Variants in CHD4 observed in about 807,000 individuals in gnomAD.
CHD4 encodes ATP-dependent chromatin remodeler CHD4.
In CHD4, 35 loss-of-function variants were observed where a neutral mutation model predicts 235.5. The observed-to-expected ratio is 0.15, with a 90% CI of 0.11 to 0.20. The LOEUF (loss-of-function observed/expected upper bound fraction) is 0.20, where lower values mean the gene tolerates loss of function less well. Among genes scored for constraint, CHD4 ranks in the 10% least tolerant of loss-of-function variants. The probability of loss-of-function intolerance (pLI) is 1.00; values close to 1 mark genes in which losing one functional copy is unlikely to be tolerated. For synonymous variants in CHD4, 900 were observed against 850.2 expected (o/e 1.06, Z -1.02); for missense variants, 1,329 against 2,432.3 (o/e 0.55, Z 9.54).
rs557417324 is a variant in CHD4 at position 6,600,756 on chromosome 12, A to G, written c.928-87T>C. On this transcript the variant is annotated intron_variant, in intron 7 of 39. Coordinates refer to ENST00000544040, the MANE Select transcript of CHD4 (RefSeq NM_001273.5). ...AGAGGGGAGTACTCTCTCACTGGGG[A>G]CACCAGAATCCCAGCAAGCACCGTT... 24 of 1,550,612 alleles carry G rather than the reference A, an allele frequency of 1.5e-5. No individual in the cohort carries two copies. The Admixed American group carries it at 2.1e-4, about 13-fold the overall frequency.
At chr12:6,588,042 G>C (rs1948328852) in intron 23 of CHD4, 93 bp from the exon 24 acceptor site, 5 of 1,350,642 alleles carry the variant, frequency 3.7e-6, no homozygotes, top group Non-Finnish European at 5.2e-6. Context: ...TCAGTACAAG[G>C]CAAGGTCCAC....
chr12:6,587,098 C>G, intron 25 of CHD4: 1 of 373,432 alleles, frequency 2.7e-6, no homozygotes, highest in Non-Finnish European at 4.8e-6. Flanking sequence ...TTCAAAATTT[C>G]ATTTGTAAGG....
At position 6,573,194 on chromosome 12, in the gene CHD4, G is replaced by T. The variant is rs1221991952; in HGVS notation, c.5437C>A (p.His1813Asn). 5 of 1,606,638 alleles carry T rather than the reference G, an allele frequency of 3.1e-6. No homozygotes were observed. Among genetic ancestry groups the T allele is most frequent in the Non-Finnish European group, 4.2e-6 (5 of 1,177,470 alleles). The change falls in exon 38 of 40, where the codon CAC becomes AAC. Residue 1813 changes from histidine (H) to asparagine (N), a missense_variant. His to Asn is a moderately conservative substitution (Grantham distance 68). Around this residue, in one of 26 missense-constraint regions of CHD4, gnomAD observed 135 missense variants for 282.3 expected, o/e 0.48. Transcript: ENST00000544040. ...CGGGTGTTGAGGGCCATGGAAGGGT[G>T]AGAAGGGTCTTCTGACATGTTCAAG... Reference protein sequence around the residue: ...AYLNMSEDPSHPSMALNTRFA... With the variant: ...AYLNMSEDPSNPSMALNTRFA...
chr12:6,590,575 T>C (rs193148573), intron 22 of CHD4, among the ~76,000 whole-genome samples: 13 of 152,276 alleles, frequency 8.5e-5, no homozygotes, highest in African/African-American at 2.6e-4. Flanking sequence ...TCTCAATACT[T>C]TGGGAGGCCA....
At position 6,593,165 on chromosome 12, in the gene CHD4, C is replaced by G. The variant is rs2136215177; in HGVS notation, c.2578G>C (p.Ala860Pro). 6.2e-7 allele frequency: 1 copy of G among 1,614,176 alleles called. No homozygotes were observed. Among genetic ancestry groups the G allele is most frequent in the Non-Finnish European group, 8.5e-7 (1 of 1,180,044 alleles). ...TSYELITIDM[A>P]ILGSIDWACL... ...GCCCAATCAATAGAGCCCAAAATAG[C>G]CATGTCAATGGTGATCAATTCATAG... Residue 860 changes from alanine (A) to proline (P), a missense_variant, in exon 17 of 40, where the codon GCT becomes CCT. Ala to Pro is a conservative substitution (Grantham distance 27, BLOSUM62 -1). Around this residue, in one of 26 missense-constraint regions of CHD4, gnomAD observed 78 missense variants for 174.8 expected, o/e 0.45. Coordinates refer to ENST00000544040, the MANE Select transcript of CHD4 (RefSeq NM_001273.5). This position sits in a 1 kb window ranked among gnomAD's most constrained non-coding sequence, Gnocchi z 4.9.
At chr12:6,594,692 C>A in intron 14 of CHD4, 42 bp from the exon 15 acceptor site, 1 of 1,555,552 alleles carries the variant, frequency 6.4e-7, no homozygotes, top group Non-Finnish European at 8.8e-7. Context: ...GCAAGGAACT[C>A]CCCTCCTCCC....
At chr12:6,580,747 G>A in intron 33 of CHD4, 1 of 271,440 alleles carries the variant, frequency 3.7e-6, no homozygotes, top group Non-Finnish European at 6.7e-6. Flanking sequence ...AGTGGCTCAT[G>A]CCTGTAATCC....
At chr12:6,585,513 A>G (rs1455674774) in intron 25 of CHD4, among the ~76,000 whole-genome samples, 1 of 151,586 alleles carries the variant, frequency 6.6e-6, no homozygotes, top group Non-Finnish European at 1.5e-5. Flanking sequence ...CGATCTCTTG[A>G]CCTCGTGATC....
chr12:6,591,254 C>T lies in CHD4; in HGVS notation c.3340+212G>A, dbSNP rs967022346. 85 of 426,286 alleles carry T rather than the reference C, an allele frequency of 2.0e-4. 1 individual carries two copies. The highest frequency in any genetic ancestry group is 1.7e-3 in the Admixed American group (41 of 24,064). 26.4% of individuals were successfully genotyped at this position (426,286 alleles called of 1,614,324 possible). A position where few individuals can be genotyped will look rare whatever the true frequency, so the allele number is the denominator to read the frequency against. On this transcript the variant is annotated intron_variant, in intron 22 of 39. Transcript: ENST00000544040. The stretch of plus-strand genomic sequence containing the variant: ...TGCCCTCGAGATACAATGCTTTCTT[C>T]TTTCTAGCAGAAAGAACAAATACCC...
At chr12:6,573,383 G>C in intron 37 of CHD4, 114 bp from the exon 38 acceptor site, 1 of 831,088 alleles carries the variant, frequency 1.2e-6, no homozygotes, top group East Asian at 3.3e-5. Context: ...AACCTATGAA[G>C]AACTTCATGG....
chr12:6,601,440 G>A lies in CHD4; in HGVS notation c.648C>T (p.Asn216=). The A allele has an allele frequency of 6.2e-7, 1 of 1,614,152 alleles. No homozygotes were observed. The highest frequency in any genetic ancestry group is 2.2e-5 in the East Asian group (1 of 44,866). ...GAKWREFSTN[N]PFKGSSGASV... The stretch of plus-strand genomic sequence containing the variant: ...ATGCCCCAGAACTGCCTTTGAAGGG[G>A]TTATTGGTACTGAACTCCCGCCATT... Residue 216 remains asparagine (N), a synonymous_variant, in exon 6 of 40, where the codon AAC becomes AAT. Transcript: ENST00000544040.
rs182457626 is a variant in CHD4 at position 6,600,730 on chromosome 12, G to T, written c.928-61C>A. 2.5e-6 allele frequency: 4 copies of T among 1,595,144 alleles called. No individual in the cohort carries two copies. The African/African-American group carries it at 5.4e-5, about 21-fold the overall frequency. On this transcript the variant is annotated intron_variant, in intron 7 of 39. Coordinates refer to ENST00000544040, the MANE Select transcript of CHD4 (RefSeq NM_001273.5). ...AGCCAAGGGGAAGGACAGAGTGGCA[G>T]AGAGGGGAGTACTCTCTCACTGGGG...
intron 30 of CHD4, 143 bp downstream of exon 30, chr12:6,581,994 G>C (rs1278786432): frequency 2.8e-5 from 32 of 1,129,612 alleles, no homozygotes; most frequent in Non-Finnish European, 3.6e-5. Flanking sequence ...GTAGAGATGG[G>C]GTTTCGCCAT....
In CHD4 at chr12:6,606,457, C is replaced by CG; in HGVS notation, c.-78-7dup. 1 of 724,260 alleles carries CG rather than the reference C, an allele frequency of 1.4e-6. No homozygotes were observed. The highest frequency in any genetic ancestry group is 2.3e-6 in the Non-Finnish European group (1 of 442,022). 44.9% of individuals were successfully genotyped at this position (724,260 alleles called of 1,614,324 possible). ...CTCTACACTGGCCCGAGTCACTGTG[C>CG]GGGGGAGGGGGGAGAAACACAGAAC... On this transcript the variant is annotated splice_polypyrimidine_tract_variant and splice_region_variant and intron_variant, in intron 1 of 39. Transcript: ENST00000544040.
chr12:6,602,814 T>G, intron 2 of CHD4: 1 of 226,850 alleles, frequency 4.4e-6, no homozygotes, highest in Non-Finnish European at 8.7e-6. Context: ...TGCTCAGAGT[T>G]CACCAAGTAA....
Position 6,578,395 on chromosome 12 carries a change from C to T in CHD4, c.5119+14G>A. 6.2e-7 allele frequency: 1 copy of T among 1,610,348 alleles called. No homozygotes were observed. The highest frequency in any genetic ancestry group is 8.5e-7 in the Non-Finnish European group (1 of 1,179,012). Reference sequence around the variant, plus strand: ...CAGATCCTTCTAACCCTGGTGGGCCCCTCATTTCCATACCAGTAAAACCAC... The same window carrying T: ...CAGATCCTTCTAACCCTGGTGGGCCTCTCATTTCCATACCAGTAAAACCAC... On this transcript the variant is annotated intron_variant, in intron 35 of 39. Transcript: ENST00000544040.
chr12:6,603,925 T>C (rs540332707), intron 2 of CHD4, among the ~76,000 whole-genome samples: 2 of 152,262 alleles, frequency 1.3e-5, no homozygotes, highest in South Asian at 4.1e-4. Context: ...CCCAGATTCC[T>C]ATCCAACATA....
intron 37 of CHD4, 77 bp downstream of exon 37, chr12:6,577,708 C>G: frequency 6.3e-7 from 1 of 1,576,540 alleles, no homozygotes; most frequent in Admixed American, 1.7e-5. Context: ...GCTGGATGGA[C>G]AGACTCCCTC....
rs759444267 is a variant in CHD4, at chr12:6,601,336, G to T, written c.752C>A (p.Pro251His). 5.0e-6 allele frequency: 8 copies of T among 1,614,014 alleles called. No individual in the cohort carries two copies. In the Admixed American group the frequency reaches 1.0e-4, roughly 20 times the overall value. ...CTTGCGGATAGGCACCTCCACAGGGGGAGGTGGTGGTGCAACCTCAGTGGC... is the reference window on the plus strand; with the variant it reads ...CTTGCGGATAGGCACCTCCACAGGGTGAGGTGGTGGTGCAACCTCAGTGGC... ...VTATEVAPPP[P>H]PVEVPIRKAK... is the part of the protein sequence containing the mutation. The change falls in exon 6 of 40, where the codon CCC becomes CAC. Residue 251 changes from proline to histidine, a missense_variant. Coordinates refer to ENST00000544040, the MANE Select transcript of CHD4 (RefSeq NM_001273.5).
Sources: allele counts gnomAD v4.1 joint callset (sites outside exome capture counted in the v4.1 genomes callset), GRCh38; gene constraint gnomAD v4.1.1; regional missense constraint gnomAD v4.1.1; non-coding constraint Gnocchi (gnomAD v3.1); transcripts MANE v1.5; gene names NCBI Gene and HGNC (gene_info 2026-07-23, HGNC 2026-07-21).